The following EXOC3L1 variants were observed in gnomAD, a reference collection of about 807,000 sequenced individuals.
EXOC3L1 encodes exocyst complex component 3 like 1.
In EXOC3L1, 79 loss-of-function variants were observed where a neutral mutation model predicts 83.6. The observed-to-expected ratio is 0.95, with a 90% CI of 0.79 to 1.14. EXOC3L1 has a LOEUF of 1.14. Among genes scored for constraint, EXOC3L1 ranks in the 50% most tolerant of loss-of-function variants. The pLI, the probability that EXOC3L1 is intolerant of heterozygous loss-of-function variation, is 0.00. For synonymous variants in EXOC3L1, 433 were observed against 451.2 expected, an observed-to-expected ratio of 0.96 and a Z score of 0.51; for missense variants, 945 against 972.0, an observed-to-expected ratio of 0.97 and a Z score of 0.37.
rs1555553275 is a variant in EXOC3L1 at position 67,188,676 on chromosome 16, G to A, written c.427+45C>T. The A allele has an allele frequency of 1.7e-5, 27 of 1,556,646 alleles. 1 individual carries two copies. The South Asian group carries it at 2.8e-4, about 16-fold the overall frequency. On this transcript the variant is annotated intron_variant, in intron 4 of 13. Coordinates refer to ENST00000314586, the MANE Select transcript of EXOC3L1 (RefSeq NM_178516.4). ...CCCTTGATTAGGGATGGGTGTTTGT[G>A]GACTGACTATTGGAGGCTGAGGCCC...
intron 8 of EXOC3L1, 38 bp downstream of exon 8, chr16:67,186,519 G>A: frequency 6.3e-7 from 1 of 1,599,996 alleles, no homozygotes; most frequent in Non-Finnish European, 8.6e-7. Flanking sequence ...CTGGGGAGCA[G>A]GGATAGGGAT....
chr16:67,188,677 G>T lies in EXOC3L1; in HGVS notation c.427+44C>A, dbSNP rs200787121. ...CCTTGATTAGGGATGGGTGTTTGTG[G>T]ACTGACTATTGGAGGCTGAGGCCCA... is the stretch of plus-strand genomic sequence containing the variant. On this transcript the variant is annotated intron_variant, in intron 4 of 13. Coordinates refer to ENST00000314586, the MANE Select transcript of EXOC3L1 (RefSeq NM_178516.4). 1,267 of 1,559,434 alleles carry T rather than the reference G, an allele frequency of 8.1e-4. 2 individuals carry two copies. The highest frequency in any genetic ancestry group is 1.2e-3 in the Admixed American group (73 of 58,986).
At position 67,185,950 on chromosome 16, in the gene EXOC3L1, A is replaced by G. The variant is rs115613136; in HGVS notation, c.1496+287T>C. 6.0e-3 allele frequency among the ~76,000 whole-genome samples: 921 copies of G among 152,280 alleles called. 8 individuals carry two copies. The highest frequency in any genetic ancestry group is 0.021 in the African/African-American group (861 of 41,548). ...GAAATATTTGCTGGACGAATGAACA[A>G]TTGACACCATGTGCCAGGCACTATG... is the stretch of plus-strand genomic sequence containing the variant. On this transcript the variant is annotated intron_variant, in intron 9 of 13. Transcript: ENST00000314586.
At position 67,187,237 on chromosome 16, in the gene EXOC3L1, T is replaced by C; in HGVS notation, c.1028A>G (p.His343Arg). ...CAAAGGCACTGACCCCAGGTACACATGCAGTGCCCAGTGCAGCAAGGCGAA... is the reference window on the plus strand; with the variant it reads ...CAAAGGCACTGACCCCAGGTACACACGCAGTGCCCAGTGCAGCAAGGCGAA... Reference protein sequence around the residue: ...DAFALLHWALHVYLGQEMMGS... With the variant: ...DAFALLHWALRVYLGQEMMGS... Residue 343 changes from histidine (H) to arginine (R), a missense_variant, in exon 5 of 14, where the codon CAT (histidine) becomes CGT (arginine). Transcript: ENST00000314586. 1 of 1,611,010 alleles carries C rather than the reference T, an allele frequency of 6.2e-7. No homozygotes were observed. The highest frequency in any genetic ancestry group is 1.1e-5 in the South Asian group (1 of 91,044).
intron 4 of EXOC3L1, 53 bp downstream of exon 4, chr16:67,188,668 G>T: frequency 2.0e-6 from 3 of 1,525,406 alleles, no homozygotes; most frequent in African/African-American, 1.4e-5. Context: ...TTAGGGATGG[G>T]TGTTTGTGGA....
chr16:67,187,326 A>C lies in EXOC3L1; in HGVS notation c.939T>G (p.His313Gln). ...NVVQLWAHTL[H>Q]SGLRRSLQNL... ...TCTGCAGGCTGCGGCGCAAACCACT[A>C]TGCAGCGTGTGGGCCCATAGCTGGA... The change falls in exon 5 of 14, where the codon CAT becomes CAG. Residue 313 changes from histidine (H) to glutamine (Q), a missense_variant. Transcript: ENST00000314586. 6.2e-7 allele frequency: 1 copy of C among 1,612,950 alleles called. No homozygotes were observed. Among genetic ancestry groups the C allele is most frequent in the Non-Finnish European group, 8.5e-7 (1 of 1,179,998 alleles).
intron 9 of EXOC3L1, 100 bp downstream of exon 9, chr16:67,186,137 G>T (rs2032713009): frequency 8.4e-6 from 7 of 834,166 alleles, no homozygotes; most frequent in Non-Finnish European, 1.4e-5. Context: ...GGCGATGTGA[G>T]TCCAAAGTCC....
In EXOC3L1 at chr16:67,184,670, G is replaced by T; in HGVS notation, c.2030+16C>A. The T allele has an allele frequency of 1.3e-6, 2 of 1,579,118 alleles. No individual in the cohort carries two copies. The highest frequency in any genetic ancestry group is 1.7e-6 in the Non-Finnish European group (2 of 1,166,848). On this transcript the variant is annotated intron_variant, in intron 13 of 13. Transcript: ENST00000314586. ...CGCCCTCCGGCTTCTCTTCCCTTCT[G>T]GCCCCCAGTCCGCACCTCACGTCGG...
chr16:67,184,977 T>C lies in EXOC3L1; in HGVS notation c.1830A>G (p.Gly610=), dbSNP rs779184172. 6 of 1,609,858 alleles carry C rather than the reference T, an allele frequency of 3.7e-6. No individual in the cohort carries two copies. The highest frequency in any genetic ancestry group is 5.1e-6 in the Non-Finnish European group (6 of 1,178,920). The change falls in exon 12 of 14, where the codon GGA becomes GGG. Residue 610 remains glycine (G), a synonymous_variant. Transcript: ENST00000314586. ...CGGCCGCCTGGGTCCTCTCGTCGGC[T>C]CCGCGGCACACCAGGCGGCCTTGCA... ...ALMQGRLVCR[G]ADERTQAAER...
Position 67,184,564 on chromosome 16 carries a change from A to G in EXOC3L1, c.2071T>C (p.Leu691=). Reference sequence around the variant, plus strand: ...GCGGCCAGGTGCTGCTCCCGGGACAAGTCCCCGCGCAGGCCCAAGAGGGCG... The same window carrying G: ...GCGGCCAGGTGCTGCTCCCGGGACAGGTCCCCGCGCAGGCCCAAGAGGGCG... ...VSALLGLRGD[L]SREQHLAALS... The change falls in exon 14 of 14, where the codon TTG becomes CTG. Residue 691 remains leucine (L), a synonymous_variant. Transcript: ENST00000314586. 6.5e-7 allele frequency: 1 copy of G among 1,544,894 alleles called. No homozygotes were observed. The highest frequency in any genetic ancestry group is 2.4e-5 in the East Asian group (1 of 41,474).
Position 67,184,407 on chromosome 16 carries a change from A to G in EXOC3L1, c.2228T>C (p.Leu743Pro). The G allele has an allele frequency of 5.2e-6, 8 of 1,534,030 alleles. No individual in the cohort carries two copies. The highest frequency in any genetic ancestry group is 7.0e-6 in the Non-Finnish European group (8 of 1,145,764). ...GGCAGCCGTGGTTTATTCTGCGAGCAGCAGGGCTCGGGCGCAGGACCCCGA... is the reference window on the plus strand; with the variant it reads ...GGCAGCCGTGGTTTATTCTGCGAGCGGCAGGGCTCGGGCGCAGGACCCCGA... Reference protein sequence around the residue: ...LPSGSCARALLLAE With the variant: ...LPSGSCARALPLAE Residue 743 changes from leucine to proline, a missense_variant, in exon 14 of 14, where the codon CTG (leucine) becomes CCG (proline). Physicochemically the swap from Leu to Pro is moderately conservative, Grantham distance 98 (BLOSUM62 -3). Transcript: ENST00000314586.
rs1267523375 is a variant in EXOC3L1 at position 67,186,831 on chromosome 16, C to T, written c.1212G>A (p.Trp404Ter). The T allele has an allele frequency of 1.2e-6, 2 of 1,613,538 alleles. No individual in the cohort carries two copies. Among genetic ancestry groups the T allele is most frequent in the Non-Finnish European group, 1.7e-6 (2 of 1,180,016 alleles). ...CTGTGTTGGGCCCATGCTCCCGGCC[C>T]CACTCAGCTACCTCCCCATCCAGTG... ...QNALDGEVAE[W>*]GREHGPNTDP... Residue 404 changes from tryptophan (W) to a stop codon, truncating the protein, a stop_gained, in exon 7 of 14, where the codon TGG becomes TGA. Coordinates refer to ENST00000314586, the MANE Select transcript of EXOC3L1 (RefSeq NM_178516.4). LOFTEE classifies it high-confidence loss of function.
Position 67,187,016 on chromosome 16 carries a change from C to T in EXOC3L1, c.1158+5G>A, listed in dbSNP as rs761604344. ...CTTCTCTGGACCTGTGCCTCAACTA[C>T]TCACCTGGATGTTGGCCACAAATGT... On this transcript the variant is annotated splice_donor_5th_base_variant and intron_variant, in intron 6 of 13. Coordinates refer to ENST00000314586, the MANE Select transcript of EXOC3L1 (RefSeq NM_178516.4). 1.7e-5 allele frequency: 27 copies of T among 1,613,552 alleles called. No individual in the cohort carries two copies. In the Admixed American group the frequency reaches 3.7e-4, roughly 22 times the overall value.
At chr16:67,189,251 T>A in intron 2 of EXOC3L1, 71 bp from the exon 3 acceptor site, 1 of 1,175,330 alleles carries the variant, frequency 8.5e-7, no homozygotes. Flanking sequence ...CCAGCTTTCT[T>A]ATTTATTTAT....
chr16:67,184,455 AGCGCGGGCGCGG>A lies in EXOC3L1; in HGVS notation c.2168_2179del (p.Pro723_Ala726del), dbSNP rs1485467774. 1 of 1,528,602 alleles carries A rather than the reference AGCGCGGGCGCGG, an allele frequency of 6.5e-7. No individual in the cohort carries two copies. The highest frequency in any genetic ancestry group is 8.7e-7 in the Non-Finnish European group (1 of 1,143,972). The allele number at this position is 1,528,602 out of a possible 1,614,324, so 94.7% of individuals were successfully genotyped here. The stretch of plus-strand genomic sequence containing the variant: ...CGAGGGCAGGCAGGAGGCCGGCGCG[AGCGCGGGCGCGG>A]GCACTAGGCTGAAGAGGACGCGGCG... On this transcript the variant is annotated inframe_deletion, in exon 14 of 14. Transcript: ENST00000314586.
chr16:67,189,046 T>A lies in EXOC3L1; in HGVS notation c.181A>T (p.Thr61Ser). Reference sequence around the variant, plus strand: ...TTGAGGCGCGATTCCAGGGAGCAGGTACGCTGCACCTCGCGGCTGCGGTAC... The same window carrying A: ...TTGAGGCGCGATTCCAGGGAGCAGGAACGCTGCACCTCGCGGCTGCGGTAC... Reference protein sequence around the residue: ...GQYRSREVQRTCSLESRLKSV... With the variant: ...GQYRSREVQRSCSLESRLKSV... Residue 61 changes from threonine to serine, a missense_variant, in exon 3 of 14, where the codon ACC becomes TCC. Coordinates refer to ENST00000314586, the MANE Select transcript of EXOC3L1 (RefSeq NM_178516.4). 1 of 1,607,832 alleles carries A rather than the reference T, an allele frequency of 6.2e-7. No individual in the cohort carries two copies. Among genetic ancestry groups the A allele is most frequent in the Middle Eastern group, 1.7e-4 (1 of 6,052 alleles).
At chr16:67,189,278 T>C in intron 2 of EXOC3L1, 98 bp from the exon 3 acceptor site, 1 of 1,213,896 alleles carries the variant, frequency 8.2e-7, no homozygotes, top group Non-Finnish European at 1.1e-6. Flanking sequence ...ATTTATTTGT[T>C]TGTTTATTTG....
In EXOC3L1 at chr16:67,188,946, G is replaced by C. The variant is rs1225273830; in HGVS notation, c.208-6C>G. 2 of 1,611,828 alleles carry C rather than the reference G, an allele frequency of 1.2e-6. No individual in the cohort carries two copies. Among genetic ancestry groups the C allele is most frequent in the South Asian group, 2.2e-5 (2 of 91,022 alleles). On this transcript the variant is annotated splice_region_variant and splice_polypyrimidine_tract_variant and intron_variant, in intron 3 of 13. Coordinates refer to ENST00000314586, the MANE Select transcript of EXOC3L1 (RefSeq NM_178516.4). ...AGGTATGACTGCATCACTGACTGTG[G>C]AAAGATGGAGCCATGAGGCTGGGCC...
rs2079315382 is a variant in EXOC3L1, at chr16:67,186,824, C to G, written c.1219G>C (p.Glu407Gln). Residue 407 changes from glutamate (E) to glutamine (Q), a missense_variant, in exon 7 of 14, where the codon GAG becomes CAG. Glu to Gln is a conservative substitution (Grantham distance 29). Transcript: ENST00000314586. ...LDGEVAEWGR[E>Q]HGPNTDPSGS... ...GACGGGTCTGTGTTGGGCCCATGCTCCCGGCCCCACTCAGCTACCTCCCCA... is the reference window on the plus strand; with the variant it reads ...GACGGGTCTGTGTTGGGCCCATGCTGCCGGCCCCACTCAGCTACCTCCCCA... 6.2e-7 allele frequency: 1 copy of G among 1,613,528 alleles called. No individual in the cohort carries two copies. Among genetic ancestry groups the G allele is most frequent in the Non-Finnish European group, 8.5e-7 (1 of 1,179,998 alleles).
Sources: gnomAD v4.1 joint callset for allele counts (sites outside exome capture counted in the v4.1 genomes callset) on GRCh38, gnomAD v4.1.1 for gene constraint, MANE v1.5 for transcripts, NCBI Gene and HGNC (gene_info 2026-07-23, HGNC 2026-07-21) for gene names.